EMID1: variants seen among roughly 807,000 people sequenced by gnomAD.
EMID1 encodes the protein EMI domain containing 1.
A neutral mutation model predicts 60.6 loss-of-function variants in EMID1; 40 were observed. The observed-to-expected ratio is 0.66, with a 90% confidence interval of 0.51 to 0.86. EMID1 has a LOEUF of 0.86. Among genes scored for constraint, EMID1 ranks in the 40% least tolerant of loss-of-function variants. EMID1 has a pLI of 0.00. For synonymous variants in EMID1, 242 were observed against 231.0 expected (o/e 1.05, Z -0.43); for missense variants, 585 against 597.1 (o/e 0.98, Z 0.21).
chr22:29,209,977 T>G (rs1307497030), intron 1 of EMID1, among the ~76,000 whole-genome samples: 1 of 151,768 alleles, frequency 6.6e-6, no homozygotes, highest in Non-Finnish European at 1.5e-5. Context: ...TGGATAGAGG[T>G]GCAGGAGGGT....
intron 5 of EMID1, among the ~76,000 whole-genome samples, chr22:29,226,906 C>T (rs2040535474): frequency 6.6e-6 from 1 of 152,152 alleles, no homozygotes; most frequent in Non-Finnish European, 1.5e-5. Context: ...CATGGGGCTC[C>T]ATCACCATCC....
At chr22:29,225,014 G>A in intron 3 of EMID1, 119 bp from the exon 4 acceptor site, 2 of 982,364 alleles carry the variant, frequency 2.0e-6, no homozygotes, top group Non-Finnish European at 3.1e-6. Flanking sequence ...CTCTCCTCTG[G>A]GCCTCTGTGT....
intron 6 of EMID1, 46 bp from the exon 7 acceptor site, chr22:29,231,547 C>G (rs112034362): frequency 0.082 from 125,858 of 1,540,660 alleles, 5,873 homozygotes; most frequent in African/African-American, 0.15. Flanking sequence ...GGGTGGGGGT[C>G]AAGAGCAGAT....
intron 3 of EMID1, chr22:29,216,430 C>T (rs985025932): frequency 2.5e-5 from 25 of 985,352 alleles, no homozygotes; most frequent in African/African-American, 5.2e-5. Context: ...CCAAGCATGG[C>T]GCTAAAGAGG....
At chr22:29,231,891 C>T (rs1272882986) in intron 7 of EMID1, 1 of 566,974 alleles carries the variant, frequency 1.8e-6, no homozygotes, top group Non-Finnish European at 3.1e-6. Flanking sequence ...TGGGCACCTA[C>T]ACTTATCAGG....
chr22:29,251,962 C>G (rs766201571), intron 13 of EMID1, among the ~76,000 whole-genome samples: 5 of 152,102 alleles, frequency 3.3e-5, no homozygotes, highest in Admixed American at 6.5e-5. Flanking sequence ...GGACAGCTAC[C>G]GTGCCCACTC....
At chr22:29,251,664 AT>A (rs566137068) in intron 13 of EMID1, among the ~76,000 whole-genome samples, 13 of 150,938 alleles carry the variant, frequency 8.6e-5, no homozygotes, top group Admixed American at 3.3e-4. Context: ...CACCCAAATA[AT>A]TTTTTTTTCT....
intron 3 of EMID1, among the ~76,000 whole-genome samples, chr22:29,224,479 C>T (rs962550213): frequency 4.6e-5 from 7 of 152,178 alleles, no homozygotes; most frequent in East Asian, 1.9e-4. Context: ...GGTTCTCCTC[C>T]GGTAGGGGTG....
chr22:29,230,342 A>C lies in EMID1; in HGVS notation c.466-678A>C, dbSNP rs528590140. ...AGCAAGGCTCTCCATCTTGGAAAAA[A>C]AAAAAACAAAAAAACAAACTAAGTG... On this transcript the variant is annotated intron_variant, in intron 5 of 14. Transcript: ENST00000334018. 7.3e-5 allele frequency among the ~76,000 whole-genome samples: 11 copies of C among 150,760 alleles called. No individual in the cohort carries two copies. In the East Asian group the frequency reaches 1.8e-3, roughly 24 times the overall value.
chr22:29,244,378 G>T (rs6006076), intron 13 of EMID1, among the ~76,000 whole-genome samples: 1,729 of 152,156 alleles, frequency 0.011, 28 homozygotes, highest in African/African-American at 0.04. Flanking sequence ...ATAACTTGAG[G>T]TCAGGAGTTT....
intron 14 of EMID1, 136 bp downstream of exon 14, chr22:29,254,423 G>A (rs997404348): frequency 1.7e-5 from 14 of 802,754 alleles, no homozygotes; most frequent in African/African-American, 3.4e-5. Context: ...GCATGGACCT[G>A]AGAGGCCACA....
At chr22:29,232,440 G>A in intron 8 of EMID1, 38 bp downstream of exon 8, 1 of 1,515,864 alleles carries the variant, frequency 6.6e-7, no homozygotes, top group Non-Finnish European at 8.8e-7. Flanking sequence ...GGAGGTGGGG[G>A]TGGAGTAGCC....
At chr22:29,240,606 T>C (rs1231989233) in intron 12 of EMID1, among the ~76,000 whole-genome samples, 2 of 152,224 alleles carry the variant, frequency 1.3e-5, no homozygotes, top group Admixed American at 1.3e-4. Flanking sequence ...GGCTCCTTGC[T>C]TCTAGCACTC....
At chr22:29,233,803 A>G (rs2040841563) in intron 10 of EMID1, 137 bp downstream of exon 10, 2 of 887,816 alleles carry the variant, frequency 2.3e-6, no homozygotes, top group Admixed American at 5.4e-5. Context: ...CATTCATTCA[A>G]CAAGTATTTA....
intron 5 of EMID1, among the ~76,000 whole-genome samples, chr22:29,227,653 C>A: frequency 7.7e-6 from 1 of 129,920 alleles, no homozygotes; most frequent in Admixed American, 9.5e-5. Flanking sequence ...TGTAGTGAGC[C>A]AAGATTGCGC....
At chr22:29,223,986 G>C (rs1286319786) in intron 3 of EMID1, among the ~76,000 whole-genome samples, 1 of 152,222 alleles carries the variant, frequency 6.6e-6, no homozygotes, top group Non-Finnish European at 1.5e-5. Flanking sequence ...CCTCCCCAGG[G>C]AGTCCCCAGT....
chr22:29,212,854 T>C (rs929655695), intron 1 of EMID1, among the ~76,000 whole-genome samples: 2 of 152,198 alleles, frequency 1.3e-5, no homozygotes, highest in African/African-American at 4.8e-5. Context: ...CATGAGCCAC[T>C]GTGCCCAGCC....
intron 4 of EMID1, among the ~76,000 whole-genome samples, chr22:29,226,198 G>A (rs989220790): frequency 7.2e-5 from 11 of 152,208 alleles, no homozygotes; most frequent in African/African-American, 2.4e-4. Context: ...CCATTTCTTG[G>A]CTTCTGGGAA....
chr22:29,210,383 T>C (rs553177026), intron 1 of EMID1, among the ~76,000 whole-genome samples: 1 of 151,716 alleles, frequency 6.6e-6, no homozygotes, highest in South Asian at 2.1e-4. Flanking sequence ...ATTACAGGCA[T>C]GCACCACCAT....
Sources: gnomAD v4.1 joint callset for allele counts (sites outside exome capture counted in the v4.1 genomes callset) on GRCh38, gnomAD v4.1.1 for gene constraint, MANE v1.5 for transcripts, NCBI Gene and HGNC (gene_info 2026-07-23, HGNC 2026-07-21) for gene names.